EPHA7: variants seen among roughly 807,000 people sequenced by gnomAD.
EPHA7 encodes ephrin type-A receptor 7.
Under a neutral mutation model 112.6 loss-of-function variants are expected in EPHA7, and 25 were observed. The ratio of observed to expected loss-of-function variants is 0.22; its 90% CI spans 0.16 to 0.31. The LOEUF (loss-of-function observed/expected upper bound fraction) is 0.31, where lower values mean the gene tolerates loss of function less well. EPHA7 is among the 10% of genes least tolerant of loss of function. The pLI is 1.00. For synonymous variants in EPHA7, 437 were observed against 406.5 expected (o/e 1.07, Z -0.90); for missense variants, 962 against 1,212.6 (o/e 0.79, Z 3.07).
intron 5 of EPHA7, among the ~76,000 whole-genome samples, chr6:93,294,895 T>C (rs1178028422): frequency 1.3e-5 from 2 of 152,104 alleles, no homozygotes; most frequent in African/African-American, 2.4e-5. Flanking sequence ...GTAATAGTTA[T>C]ATTAAAACCA....
intron 5 of EPHA7, among the ~76,000 whole-genome samples, chr6:93,343,750 T>C (rs953363104): frequency 6.6e-6 from 1 of 151,620 alleles, no homozygotes; most frequent in Admixed American, 6.6e-5. Flanking sequence ...ATTTCATCCT[T>C]GGATTGAAGA....
Position 93,242,100 on chromosome 6 carries a change from A to C in EPHA7, c.*1326T>G, listed in dbSNP as rs1164680238. 1 of 198,310 alleles carries C rather than the reference A, an allele frequency of 5.0e-6. No homozygotes were observed. Among genetic ancestry groups the C allele is most frequent in the Admixed American group, 6.0e-5 (1 of 16,532 alleles). The allele number at this position is 198,310 out of a possible 1,614,324, so 12.3% of individuals were successfully genotyped here. A position where few individuals can be genotyped will look rare whatever the true frequency, so the allele number is the denominator to read the frequency against. On this transcript the variant is annotated 3_prime_UTR_variant, in exon 17 of 17. Coordinates refer to ENST00000369303, the MANE Select transcript of EPHA7 (RefSeq NM_004440.4). Reference sequence around the variant, plus strand: ...CTGCAATATCTATAAAGACACATTTAATTATTGCTTATGAAATTCTAACAC... The same window carrying C: ...CTGCAATATCTATAAAGACACATTTCATTATTGCTTATGAAATTCTAACAC...
Position 93,410,382 on chromosome 6 carries a change from C to T in EPHA7, c.832+119G>A. 1 of 904,958 alleles carries T rather than the reference C, an allele frequency of 1.1e-6. No individual in the cohort carries two copies. The highest frequency in any genetic ancestry group is 1.7e-5 in the African/African-American group (1 of 60,006). 56.1% of individuals were successfully genotyped at this position (904,958 alleles called of 1,614,324 possible). On this transcript the variant is annotated intron_variant, in intron 3 of 16. Transcript: ENST00000369303. This position sits in a 1 kb window ranked among gnomAD's most constrained non-coding sequence, Gnocchi z 4.0. The stretch of plus-strand genomic sequence containing the variant: ...CAACGGTGACTTTGTTTAAGATCTA[C>T]TGAATTGCGCTTCTGGTACAGAGCA...
At chr6:93,267,843 T>TGAAGTATCTTATTATATC in intron 7 of EPHA7, among the ~76,000 whole-genome samples, 1 of 151,856 alleles carries the variant, frequency 6.6e-6, no homozygotes, top group Middle Eastern at 3.4e-3. Context: ...CTTGAAACTT[T>TGAAGTATCTTATTATATC]TGAAATCTAA....
At chr6:93,287,906 G>T (rs1772151947) in intron 5 of EPHA7, among the ~76,000 whole-genome samples, 1 of 152,126 alleles carries the variant, frequency 6.6e-6, no homozygotes, top group Admixed American at 6.5e-5. Context: ...CAACTAGAAT[G>T]ACTATAATTT....
At position 93,308,949 on chromosome 6, in the gene EPHA7, CTT is replaced by C. The variant is rs747889940; in HGVS notation, c.1325-36529_1325-36528del. ...GACAATTACTTACAAATAATTCAAACTTTTTTTTTTTTTTTAAACTACAGAGT... is the reference window on the plus strand; with the variant it reads ...GACAATTACTTACAAATAATTCAAACTTTTTTTTTTTTTAAACTACAGAGT... On this transcript the variant is annotated intron_variant, in intron 5 of 16. Coordinates refer to ENST00000369303, the MANE Select transcript of EPHA7 (RefSeq NM_004440.4). 5.4e-3 allele frequency among the ~76,000 whole-genome samples: 776 copies of C among 144,860 alleles called. 11 individuals carry two copies. The highest frequency in any genetic ancestry group is 0.018 in the African/African-American group (731 of 39,816).
At chr6:93,244,072 ATATGTTATAAAAACTATCTT>A (rs1459686202) in intron 16 of EPHA7, among the ~76,000 whole-genome samples, 22 of 151,612 alleles carry the variant, frequency 1.5e-4, no homozygotes, top group Non-Finnish European at 2.8e-4. Flanking sequence ...TCATTTCATT[ATATGTTATAAAAACTATCTT>A]TTAAAATGTA....
intron 5 of EPHA7, among the ~76,000 whole-genome samples, chr6:93,333,715 G>C (rs1190961553): frequency 6.6e-6 from 1 of 151,706 alleles, no homozygotes; most frequent in East Asian, 1.9e-4. Context: ...CTTTGTAATA[G>C]GATTGTTTAA....
intron 5 of EPHA7, among the ~76,000 whole-genome samples, chr6:93,325,707 A>C (rs1395662707): frequency 6.6e-6 from 1 of 151,388 alleles, no homozygotes; most frequent in Non-Finnish European, 1.5e-5. Flanking sequence ...ACTGCAGTGC[A>C]GTAAAAAACT....
In EPHA7 at chr6:93,272,415, C is replaced by A. The variant is rs770773460; in HGVS notation, c.1332G>T (p.Ser444=). The part of the protein sequence containing the change: ...VSITTGQAAP[S]QVSGVMKERV... ...TCTCCTTCATTACTCCACTCACTTG[C>A]GAGGGAGCTGTTTGGACAAGATGTG... Residue 444 remains serine, a synonymous_variant, in exon 6 of 17, where the codon TCG becomes TCT. Transcript: ENST00000369303. The A allele has an allele frequency of 6.2e-7, 1 of 1,611,326 alleles. No individual in the cohort carries two copies. Among genetic ancestry groups the A allele is most frequent in the African/African-American group, 1.3e-5 (1 of 74,698 alleles).
At position 93,263,881 on chromosome 6, in the gene EPHA7, C is replaced by T. The variant is rs750462795; in HGVS notation, c.1777G>A (p.Asp593Asn). 1.2e-5 allele frequency: 19 copies of T among 1,609,402 alleles called. No homozygotes were observed. Among genetic ancestry groups the T allele is most frequent in the Non-Finnish European group, 1.6e-5 (19 of 1,177,026 alleles). Residue 593 changes from aspartate to asparagine, a missense_variant, in exon 9 of 17, where the codon GAT becomes AAT. Transcript: ENST00000369303. ...CGYSKADQEG[D>N]EELYFHFKFP... ...TTACAATGAAAGTAAAGCTCTTCAT[C>T]GCCTTCTTGGTCAGCTTTGCTATAA...
At chr6:93,317,272 G>A (rs1328850927) in intron 5 of EPHA7, among the ~76,000 whole-genome samples, 2 of 152,100 alleles carry the variant, frequency 1.3e-5, no homozygotes, top group Non-Finnish European at 2.9e-5. Context: ...TTTTAATTAT[G>A]TCTTAAATAA....
chr6:93,377,341 G>C (rs1777110439), intron 3 of EPHA7, among the ~76,000 whole-genome samples: 1 of 151,848 alleles, frequency 6.6e-6, no homozygotes, highest in Non-Finnish European at 1.5e-5. Flanking sequence ...GTATGTCCTT[G>C]TAATAGAGCC....
chr6:93,254,124 T>C (rs1582394901), intron 14 of EPHA7, among the ~76,000 whole-genome samples: 1 of 152,142 alleles, frequency 6.6e-6, no homozygotes, highest in East Asian at 1.9e-4. Context: ...ATTCTTATTG[T>C]GATTACATTC....
chr6:93,304,164 T>C (rs1485483907), intron 5 of EPHA7, among the ~76,000 whole-genome samples: 2 of 151,832 alleles, frequency 1.3e-5, no homozygotes, highest in African/African-American at 4.8e-5. Context: ...ACTTGTAGTA[T>C]AGTAATTATA....
Position 93,324,157 on chromosome 6 carries a change from T to C in EPHA7, c.1324+32560A>G, listed in dbSNP as rs528083532. On this transcript the variant is annotated intron_variant, in intron 5 of 16. Transcript: ENST00000369303. Reference sequence around the variant, plus strand: ...AAAAATACTGCAAAATTACTGTTAATGGATAGACTGATTTTTTAAAAATCT... The same window carrying C: ...AAAAATACTGCAAAATTACTGTTAACGGATAGACTGATTTTTTAAAAATCT... 4.6e-5 allele frequency among the ~76,000 whole-genome samples: 7 copies of C among 151,580 alleles called. No individual in the cohort carries two copies. The South Asian group carries it at 1.5e-3, about 31-fold the overall frequency.
chr6:93,412,372 G>C (rs1026217597), intron 2 of EPHA7, among the ~76,000 whole-genome samples: 2 of 151,980 alleles, frequency 1.3e-5, no homozygotes, highest in Non-Finnish European at 2.9e-5. Context: ...TAAATGTTCT[G>C]TACAATATTA....
chr6:93,341,396 T>C (rs1302504877), intron 5 of EPHA7, among the ~76,000 whole-genome samples: 1 of 151,254 alleles, frequency 6.6e-6, no homozygotes, highest in East Asian at 1.9e-4. Context: ...TGAGTGTGCG[T>C]GTGTGTGTGT....
chr6:93,309,776 A>G (rs1401172661), intron 5 of EPHA7, among the ~76,000 whole-genome samples: 1 of 152,212 alleles, frequency 6.6e-6, no homozygotes, highest in Non-Finnish European at 1.5e-5. Flanking sequence ...GAGACTAGCA[A>G]GTAAAAGCAT....
Sources: allele counts gnomAD v4.1 joint callset (sites outside exome capture counted in the v4.1 genomes callset), GRCh38; gene constraint gnomAD v4.1.1; non-coding constraint Gnocchi (gnomAD v3.1); transcripts MANE v1.5; gene names NCBI Gene and HGNC (gene_info 2026-07-23, HGNC 2026-07-21).